Variants in SORCS1 observed in about 807,000 individuals in gnomAD.
SORCS1 encodes the protein sortilin related VPS10 domain containing receptor 1.
SORCS1 carries 60 observed loss-of-function variants against 146.1 expected under a neutral mutation model. The ratio of observed to expected loss-of-function variants is 0.41; its 90% confidence interval spans 0.33 to 0.51. SORCS1 has a LOEUF of 0.51. SORCS1 is among the 20% of genes least tolerant of loss of function. The pLI, the probability that SORCS1 is intolerant of heterozygous loss-of-function variation, is 0.21. For missense variants in SORCS1, 1,352 were observed against 1,487.6 expected, an observed-to-expected ratio of 0.91 and a Z score of 1.50; for synonymous variants, 637 against 584.0, an observed-to-expected ratio of 1.09 and a Z score of -1.31.
In SORCS1 at chr10:106,688,306, G is replaced by T; in HGVS notation, c.1446C>A (p.Asn482Lys). The T allele has an allele frequency of 6.2e-7, 1 of 1,613,858 alleles. No homozygotes were observed. The highest frequency in any genetic ancestry group is 8.5e-7 in the Non-Finnish European group (1 of 1,179,846). Residue 482 changes from asparagine (N) to lysine (K), a missense_variant, in exon 10 of 26, where the codon AAC becomes AAA. This residue lies in a region of SORCS1 where 648 missense variants were observed against 793.8 expected (regional missense o/e 0.82). Coordinates refer to ENST00000263054, the MANE Select transcript of SORCS1 (RefSeq NM_052918.5). ...VAGIKGMFLA[N>K]KKIDNQVKTF... ...TCTTCACTTGGTTGTCAATCTTCTT[G>T]TTAGCCAAGAACATTCCCTTTATCC...
chr10:107,063,480 A>G (rs1056270926), intron 1 of SORCS1, among the ~76,000 whole-genome samples: 3 of 152,208 alleles, frequency 2.0e-5, no homozygotes, highest in Non-Finnish European at 2.9e-5. Context: ...TGGTTAATAA[A>G]AAGTAACCAT....
At chr10:106,613,532 AG>A (rs1443731992) in intron 21 of SORCS1, among the ~76,000 whole-genome samples, 1 of 152,130 alleles carries the variant, frequency 6.6e-6, no homozygotes, top group Non-Finnish European at 1.5e-5. Context: ...TGGAAGGTGG[AG>A]CCCTAGCCCT....
chr10:106,957,580 T>C (rs1207059189), intron 1 of SORCS1, among the ~76,000 whole-genome samples: 2 of 152,140 alleles, frequency 1.3e-5, no homozygotes, highest in African/African-American at 4.8e-5. Flanking sequence ...AGAAGCCACA[T>C]TGGCAGGGCT....
chr10:106,598,601 A>G (rs1205074276), intron 23 of SORCS1, among the ~76,000 whole-genome samples: 1 of 152,084 alleles, frequency 6.6e-6, no homozygotes, highest in Non-Finnish European at 1.5e-5. Context: ...CTTATTTTTA[A>G]TATTCTAATA....
At chr10:106,923,622 G>C (rs1317167369) in intron 2 of SORCS1, among the ~76,000 whole-genome samples, 1 of 152,196 alleles carries the variant, frequency 6.6e-6, no homozygotes, top group African/African-American at 2.4e-5. Flanking sequence ...GGCCTCACCA[G>C]CATTTGGTGG....
At position 106,575,288 on chromosome 10, in the gene SORCS1, C is replaced by A. The variant is rs1291749042; in HGVS notation, c.*2132G>T. 6.6e-6 allele frequency: 1 copy of A among 152,346 alleles called. No individual in the cohort carries two copies. 9.4% of individuals were successfully genotyped at this position (152,346 alleles called of 1,614,324 possible). A position where few individuals can be genotyped will look rare whatever the true frequency, so the allele number is the denominator to read the frequency against. ...CAGATTCATATGGGGTATCCTCAACCATAAACATCTCTGCCTGACAAACTT... is the reference window on the plus strand; with the variant it reads ...CAGATTCATATGGGGTATCCTCAACAATAAACATCTCTGCCTGACAAACTT... On this transcript the variant is annotated 3_prime_UTR_variant, in exon 26 of 26. Coordinates refer to ENST00000263054, the MANE Select transcript of SORCS1 (RefSeq NM_052918.5).
chr10:106,717,395 T>A (rs1483741521), intron 6 of SORCS1, among the ~76,000 whole-genome samples: 1 of 152,192 alleles, frequency 6.6e-6, no homozygotes, highest in Non-Finnish European at 1.5e-5. Context: ...ATGTCAAAAG[T>A]GAGATTCTAG....
At chr10:106,989,272 A>G (rs77638286) in intron 1 of SORCS1, among the ~76,000 whole-genome samples, 647 of 15,858 alleles carry the variant, frequency 0.041, 31 homozygotes, top group Non-Finnish European at 0.084. Flanking sequence ...TCCACCTCAG[A>G]AAAAAAAAAA....
In SORCS1 at chr10:106,616,901, T is replaced by C. The variant is rs563880511; in HGVS notation, c.2920+1248A>G. On this transcript the variant is annotated intron_variant, in intron 21 of 25. Coordinates refer to ENST00000263054, the MANE Select transcript of SORCS1 (RefSeq NM_052918.5). ...ATCAACTGATAAGGGAACTGGGCAA[T>C]TGACATTATTTGGACCACGAGCTAG... Among the ~76,000 whole-genome samples the C allele has an allele frequency of 1.6e-4, 24 of 151,328 alleles. No homozygotes were observed. In the South Asian group the frequency reaches 3.3e-3, roughly 21 times the overall value.
intron 1 of SORCS1, among the ~76,000 whole-genome samples, chr10:107,072,039 T>A (rs1171776548): frequency 6.6e-6 from 1 of 152,028 alleles, no homozygotes; most frequent in East Asian, 1.9e-4. Flanking sequence ...GTTCCTGGAG[T>A]GTTGGAAAAA....
chr10:106,775,057 G>A (rs1482846606), intron 4 of SORCS1, among the ~76,000 whole-genome samples: 1 of 152,202 alleles, frequency 6.6e-6, no homozygotes, highest in Non-Finnish European at 1.5e-5. Flanking sequence ...GACCATGGGA[G>A]GCACTCTTTG....
At chr10:106,661,442 A>G (rs1336650135) in intron 17 of SORCS1, among the ~76,000 whole-genome samples, 2 of 152,252 alleles carry the variant, frequency 1.3e-5, no homozygotes, top group African/African-American at 4.8e-5. Flanking sequence ...CTTACATTAA[A>G]TATGTCTCAG....
rs1961129107 is a variant in SORCS1, at chr10:107,060,782, T to C, written c.558+103187A>G. On this transcript the variant is annotated intron_variant, in intron 1 of 25. Transcript: ENST00000263054. This position sits in a 1 kb window ranked among gnomAD's most constrained non-coding sequence, Gnocchi z 4.1. ...GTGACTCATTTAGCACTTCCTTTATTATCTCATACCGTGTCTTTCTTTTCA... is the reference window on the plus strand; with the variant it reads ...GTGACTCATTTAGCACTTCCTTTATCATCTCATACCGTGTCTTTCTTTTCA... 6.6e-6 allele frequency among the ~76,000 whole-genome samples: 1 copy of C among 152,196 alleles called. No individual in the cohort carries two copies. Among genetic ancestry groups the C allele is most frequent in the South Asian group, 2.1e-4 (1 of 4,834 alleles).
chr10:107,106,281 T>G (rs1965297457), intron 1 of SORCS1, among the ~76,000 whole-genome samples: 1 of 152,218 alleles, frequency 6.6e-6, no homozygotes, highest in Non-Finnish European at 1.5e-5. Flanking sequence ...ATAGTAATCA[T>G]GCGATAAGTT....
At chr10:107,035,469 A>G (rs1182611276) in intron 1 of SORCS1, among the ~76,000 whole-genome samples, 2 of 152,104 alleles carry the variant, frequency 1.3e-5, no homozygotes, top group African/African-American at 4.8e-5. Flanking sequence ...TACCAGCAGA[A>G]CCATGCTTTT....
chr10:106,881,925 G>A (rs1158507779), intron 2 of SORCS1, among the ~76,000 whole-genome samples: 1 of 152,224 alleles, frequency 6.6e-6, no homozygotes, highest in African/African-American at 2.4e-5. Flanking sequence ...ATAGAAGTTG[G>A]TTGGTTGCTC....
chr10:106,580,898 CACTGAA>C (rs1844861745), intron 24 of SORCS1, among the ~76,000 whole-genome samples: 1 of 152,084 alleles, frequency 6.6e-6, no homozygotes, highest in Admixed American at 6.6e-5. Flanking sequence ...TTTCAGGAGG[CACTGAA>C]TATAAGGAAC....
At chr10:106,673,549 T>C (rs866300310) in intron 14 of SORCS1, among the ~76,000 whole-genome samples, 4 of 152,232 alleles carry the variant, frequency 2.6e-5, no homozygotes, top group African/African-American at 9.6e-5. Flanking sequence ...ACCCAGAGTA[T>C]TTAATTCAAG....
At chr10:106,871,019 A>AC (rs1950389666) in intron 2 of SORCS1, among the ~76,000 whole-genome samples, 1 of 152,172 alleles carries the variant, frequency 6.6e-6, no homozygotes, top group Non-Finnish European at 1.5e-5. Flanking sequence ...GAGAAAAACA[A>AC]CCCCATTAAA....
Sources: gnomAD v4.1 joint callset for allele counts (sites outside exome capture counted in the v4.1 genomes callset) on GRCh38, gnomAD v4.1.1 for gene constraint, gnomAD v4.1.1 regional missense constraint, Gnocchi (gnomAD v3.1) non-coding constraint, MANE v1.5 for transcripts, NCBI Gene and HGNC (gene_info 2026-07-23, HGNC 2026-07-21) for gene names.